The following CSPP1 variants were observed in gnomAD, a reference collection of about 807,000 sequenced individuals.
CSPP1 encodes centrosome and spindle pole-associated protein 1.
CSPP1 carries 126 observed loss-of-function variants against 164.4 expected under a neutral mutation model. The observed-to-expected ratio is 0.77, with a 90% confidence interval of 0.66 to 0.89. The LOEUF (loss-of-function observed/expected upper bound fraction) is 0.89. CSPP1 is among the 40% of genes least tolerant of loss of function. CSPP1 has a pLI of 0.00. For synonymous variants in CSPP1, 472 were observed against 476.7 expected (o/e 0.99, Z 0.13); for missense variants, 1,395 against 1,449.8 (o/e 0.96, Z 0.61).
At chr8:67,110,654 TTATC>T (rs976454674) in intron 9 of CSPP1, among the ~76,000 whole-genome samples, 2 of 152,192 alleles carry the variant, frequency 1.3e-5, no homozygotes, top group African/African-American at 4.8e-5. Context: ...ATTTTGCTCT[TTATC>T]TACTCAATTT....
At chr8:67,072,299 A>G (rs2129540805) in intron 1 of CSPP1, among the ~76,000 whole-genome samples, 1 of 152,168 alleles carries the variant, frequency 6.6e-6, no homozygotes, top group East Asian at 1.9e-4. Flanking sequence ...AAAAAAAAAA[A>G]GATTTTTTTT....
chr8:67,183,710 C>G lies in CSPP1; in HGVS notation c.3220+3784C>G, dbSNP rs142565216. ...ATTCAGTTAAATGTAAAATGCCAAACTCTAAAACTCACAGAAGATACCAAC... is the reference window on the plus strand; with the variant it reads ...ATTCAGTTAAATGTAAAATGCCAAAGTCTAAAACTCACAGAAGATACCAAC... On this transcript the variant is annotated intron_variant, in intron 28 of 30. Transcript: ENST00000678616. 4.2e-4 allele frequency among the ~76,000 whole-genome samples: 64 copies of G among 152,258 alleles called. No individual in the cohort carries two copies. In the East Asian group the frequency reaches 7.3e-3, roughly 17 times the overall value.
At chr8:67,191,736 T>A (rs1836310864) in intron 29 of CSPP1, among the ~76,000 whole-genome samples, 2 of 152,228 alleles carry the variant, frequency 1.3e-5, no homozygotes, top group Admixed American at 1.3e-4. Context: ...TGTAGAAGTT[T>A]CTGATGTTTT....
chr8:67,094,029 A>G (rs1812165606), intron 6 of CSPP1, among the ~76,000 whole-genome samples: 1 of 143,826 alleles, frequency 7.0e-6, no homozygotes, highest in Non-Finnish European at 1.5e-5. Flanking sequence ...CTGAGGCAGG[A>G]GAATCGCTTG....
intron 23 of CSPP1, 119 bp downstream of exon 23, chr8:67,163,917 A>AC (rs1828840703): frequency 2.2e-5 from 16 of 716,358 alleles, no homozygotes; most frequent in Non-Finnish European, 3.4e-5. Flanking sequence ...GGTGCTGTGT[A>AC]CCCATTCTCC....
intron 13 of CSPP1, among the ~76,000 whole-genome samples, chr8:67,117,330 C>T (rs1179848567): frequency 6.6e-6 from 1 of 152,096 alleles, no homozygotes; most frequent in African/African-American, 2.4e-5. Flanking sequence ...ACTTCCGTAC[C>T]TTCTTAGTTC....
chr8:67,137,844 G>A (rs1210849185), intron 17 of CSPP1, among the ~76,000 whole-genome samples: 1 of 152,100 alleles, frequency 6.6e-6, no homozygotes, highest in East Asian at 1.9e-4. Flanking sequence ...TGATAACCCA[G>A]TTGCAGAGAA....
chr8:67,151,449 C>T (rs79618466), intron 18 of CSPP1, among the ~76,000 whole-genome samples: 3,693 of 152,240 alleles, frequency 0.024, 166 homozygotes, highest in African/African-American at 0.084. Flanking sequence ...GAGTCTTTCT[C>T]TACCCTTTTC....
intron 1 of CSPP1, among the ~76,000 whole-genome samples, chr8:67,067,854 T>C (rs1805910235): frequency 7.1e-6 from 1 of 140,652 alleles, no homozygotes; most frequent in Non-Finnish European, 1.6e-5. Context: ...TGTTGATTTC[T>C]TTTTTTTTTT....
rs1397958967 is a variant in CSPP1 at position 67,195,888 on chromosome 8, A to AGAT, written c.*296_*298dup. The AGAT allele has an allele frequency of 1.8e-5, 5 of 282,204 alleles. No individual in the cohort carries two copies. The highest frequency in any genetic ancestry group is 2.7e-5 in the Non-Finnish European group (4 of 148,420). The allele number at this position is 282,204 out of a possible 1,614,324, so 17.5% of individuals were successfully genotyped here. A position where few individuals can be genotyped will look rare whatever the true frequency, so the allele number is the denominator to read the frequency against. On this transcript the variant is annotated 3_prime_UTR_variant, in exon 31 of 31. Coordinates refer to ENST00000678616, the MANE Select transcript of CSPP1 (RefSeq NM_001382391.1). ...TTATATTGAATTCTGCTTGTCATTA[A>AGAT]GATAAGGTGAATAAGTGTCTTAAAC...
Position 67,195,608 on chromosome 8 carries a change from G to A in CSPP1, c.*15G>A, listed in dbSNP as rs753937898. ...CACATGGTTAAAATAAACCTGTACT[G>A]GACCCAGTAGTGCCTTTTAAGGTGA... is the stretch of plus-strand genomic sequence containing the variant. On this transcript the variant is annotated 3_prime_UTR_variant, in exon 31 of 31. Transcript: ENST00000678616. The A allele has an allele frequency of 6.2e-7, 1 of 1,607,700 alleles. No individual in the cohort carries two copies. Among genetic ancestry groups the A allele is most frequent in the African/African-American group, 1.3e-5 (1 of 74,888 alleles).
chr8:67,068,226 C>G (rs1174928592), intron 1 of CSPP1, among the ~76,000 whole-genome samples: 1 of 152,102 alleles, frequency 6.6e-6, no homozygotes, highest in Non-Finnish European at 1.5e-5. Context: ...TCATAATATA[C>G]TAGAATAAAT....
At chr8:67,176,366 AGATAGCATCACAGGAGT>A (rs1416443253) in intron 26 of CSPP1, among the ~76,000 whole-genome samples, 1 of 152,174 alleles carries the variant, frequency 6.6e-6, no homozygotes, top group African/African-American at 2.4e-5. Context: ...TGACTTCATG[AGATAGCATCACAGGAGT>A]AAGTGATGCA....
At chr8:67,113,655 AT>A (rs1319340321) in intron 10 of CSPP1, 149 bp from the exon 11 acceptor site, 16 of 457,732 alleles carry the variant, frequency 3.5e-5, no homozygotes, top group African/African-American at 2.8e-4. Flanking sequence ...GGCTTTCAGT[AT>A]TATTTAAGGC....
In CSPP1 at chr8:67,132,098, C is replaced by CA; in HGVS notation, c.1827+19dup. 1 of 1,607,688 alleles carries CA rather than the reference C, an allele frequency of 6.2e-7. No homozygotes were observed. Among genetic ancestry groups the CA allele is most frequent in the Non-Finnish European group, 8.5e-7 (1 of 1,176,696 alleles). On this transcript the variant is annotated intron_variant, in intron 16 of 30. Transcript: ENST00000678616. ...AGCAGCAGGTATTGATTCATTTACT[C>CA]ATTTACTGTTGAACCTCTTAAGTGT... is the stretch of plus-strand genomic sequence containing the variant.
Position 67,151,512 on chromosome 8 carries a change from C to G in CSPP1, c.2128+1577C>G, listed in dbSNP as rs1003886940. On this transcript the variant is annotated intron_variant, in intron 18 of 30. Transcript: ENST00000678616. Reference sequence around the variant, plus strand: ...TGGCTCAGCCTAGAACTTTCGCTATCTTAGTAATAACACTTTTTAGCCATC... The same window carrying G: ...TGGCTCAGCCTAGAACTTTCGCTATGTTAGTAATAACACTTTTTAGCCATC... Among the ~76,000 whole-genome samples, 20 of 152,088 alleles carry G rather than the reference C, an allele frequency of 1.3e-4. 2 individuals are homozygous for G. The highest frequency in any genetic ancestry group is 1.2e-3 in the Admixed American group (19 of 15,268).
At chr8:67,121,476 T>G (rs1818964346) in intron 15 of CSPP1, among the ~76,000 whole-genome samples, 1 of 152,204 alleles carries the variant, frequency 6.6e-6, no homozygotes, top group Non-Finnish European at 1.5e-5. Context: ...TGATTGATTT[T>G]TTTATGTTTA....
chr8:67,090,000 A>G (rs1811295749), intron 4 of CSPP1, among the ~76,000 whole-genome samples: 1 of 152,056 alleles, frequency 6.6e-6, no homozygotes, highest in South Asian at 2.1e-4. Flanking sequence ...GAAAATTTCA[A>G]ACATCATTCT....
intron 28 of CSPP1, among the ~76,000 whole-genome samples, chr8:67,186,967 TATC>T (rs891781406): frequency 2.1e-5 from 3 of 139,978 alleles, no homozygotes; most frequent in African/African-American, 8.0e-5. Context: ...TAAATCTATC[TATC>T]ATCTATCTAT....
Sources: allele counts gnomAD v4.1 joint callset (sites outside exome capture counted in the v4.1 genomes callset), GRCh38; gene constraint gnomAD v4.1.1; transcripts MANE v1.5; gene names NCBI Gene and HGNC (gene_info 2026-07-23, HGNC 2026-07-21).